NBAS: variants seen among roughly 807,000 people sequenced by gnomAD.
NBAS encodes NBAS subunit of NRZ tethering complex.
Under a neutral mutation model 302.5 loss-of-function variants are expected in NBAS, and 219 were observed. The ratio of observed to expected loss-of-function variants is 0.72; its 90% CI spans 0.65 to 0.81. The LOEUF (loss-of-function observed/expected upper bound fraction) is 0.81. Among genes scored for constraint, NBAS ranks in the 30% least tolerant of loss-of-function variants. The pLI is 0.00. For synonymous variants in NBAS, 1,118 were observed against 1,021.6 expected, an observed-to-expected ratio of 1.09 and a Z score of -1.80; for missense variants, 2,932 against 2,841.6, an observed-to-expected ratio of 1.03 and a Z score of -0.72.
chr2:14,847,111 T>C, the NBAS span, among the ~76,000 whole-genome samples: 261 of 152,102 alleles, frequency 1.7e-3, no homozygotes, highest in African/African-American at 6.0e-3. Flanking sequence ...CGGCCGGGCA[T>C]GGTGGCTCAC....
intron 22 of NBAS, among the ~76,000 whole-genome samples, chr2:15,426,395 A>T (rs1677479832): frequency 6.6e-6 from 1 of 152,172 alleles, no homozygotes; most frequent in African/African-American, 2.4e-5. Context: ...AATAGGCTTG[A>T]ATTATTTCTT....
chr2:15,486,964 A>G (rs1405783187), intron 12 of NBAS, among the ~76,000 whole-genome samples: 1 of 152,148 alleles, frequency 6.6e-6, no homozygotes, highest in African/African-American at 2.4e-5. Context: ...AAAAGCGCAT[A>G]CTAATCAATT....
chr2:15,530,800 C>T (rs1161639564), intron 9 of NBAS, among the ~76,000 whole-genome samples: 1 of 151,748 alleles, frequency 6.6e-6, no homozygotes, highest in Non-Finnish European at 1.5e-5. Flanking sequence ...AGTGAGATTA[C>T]TGACTATCTA....
chr2:15,319,986 C>G (rs758673884), intron 38 of NBAS, among the ~76,000 whole-genome samples: 9 of 151,994 alleles, frequency 5.9e-5, no homozygotes, highest in Non-Finnish European at 1.2e-4. Context: ...AACATTGATG[C>G]GAAAGTCCTC....
intron 13 of NBAS, among the ~76,000 whole-genome samples, chr2:15,477,641 A>T (rs557693526): frequency 6.6e-6 from 1 of 152,234 alleles, no homozygotes. Context: ...GATTTAACTT[A>T]GAAAGTTTCA....
intron 48 of NBAS, among the ~76,000 whole-genome samples, chr2:15,199,826 G>A (rs999871151): frequency 6.6e-6 from 1 of 151,648 alleles, no homozygotes; most frequent in South Asian, 2.1e-4. Context: ...TGCATAGTAG[G>A]CACACAGGAA....
At chr2:15,149,861 T>G in the NBAS span, among the ~76,000 whole-genome samples, 1 of 152,100 alleles carries the variant, frequency 6.6e-6, no homozygotes, top group Non-Finnish European at 1.5e-5. Context: ...TGAATTAACT[T>G]TGGTATTTTG....
chr2:15,561,118 C>T (rs577286157), intron 1 of NBAS, 70 bp downstream of exon 1: 8 of 1,324,644 alleles, frequency 6.0e-6, no homozygotes, highest in African/African-American at 1.5e-5. Context: ...CTACGTGGCT[C>T]CTGCTACGTG....
At chr2:15,371,326 T>C (rs1674473772) in intron 31 of NBAS, among the ~76,000 whole-genome samples, 1 of 152,210 alleles carries the variant, frequency 6.6e-6, no homozygotes, top group Non-Finnish European at 1.5e-5. Flanking sequence ...GGTATTTCTT[T>C]ATAGCAGTGT....
At chr2:15,512,429 T>C (rs1288311349) in intron 9 of NBAS, among the ~76,000 whole-genome samples, 1 of 152,130 alleles carries the variant, frequency 6.6e-6, no homozygotes, top group African/African-American at 2.4e-5. Context: ...GGCAACACAA[T>C]GGCCCCCAAA....
chr2:15,147,244 A>G, the NBAS span, among the ~76,000 whole-genome samples: 1 of 152,138 alleles, frequency 6.6e-6, no homozygotes, highest in Non-Finnish European at 1.5e-5. Context: ...CAGCTGTCCC[A>G]CAGGTCTGAC....
At chr2:15,264,307 C>G (rs73194993) in intron 44 of NBAS, among the ~76,000 whole-genome samples, 1 of 152,216 alleles carries the variant, frequency 6.6e-6, no homozygotes, top group East Asian at 1.9e-4. Context: ...ATTTACACCC[C>G]CTATGAATTT....
At position 15,267,943 on chromosome 2, in the gene NBAS, G is replaced by C. The variant is rs529762792; in HGVS notation, c.5724+7541C>G. The stretch of plus-strand genomic sequence containing the variant: ...CAGTACTTTTATAAAGTATTATTAA[G>C]CCTATAAAGTCTCTAAAATCTTATT... On this transcript the variant is annotated intron_variant, in intron 44 of 51. Transcript: ENST00000281513. Among the ~76,000 whole-genome samples, 7 of 152,138 alleles carry C rather than the reference G, an allele frequency of 4.6e-5. No homozygotes were observed. In the South Asian group the frequency reaches 1.4e-3, roughly 32 times the overall value.
intron 11 of NBAS, among the ~76,000 whole-genome samples, chr2:15,491,521 G>A (rs963148973): frequency 6.6e-6 from 1 of 152,188 alleles, no homozygotes; most frequent in Non-Finnish European, 1.5e-5. Flanking sequence ...CACATCACGA[G>A]GTCAGGAGAT....
At chr2:15,465,423 T>G (rs910155833) in intron 19 of NBAS, among the ~76,000 whole-genome samples, 1 of 152,258 alleles carries the variant, frequency 6.6e-6, no homozygotes, top group East Asian at 1.9e-4. Flanking sequence ...CAGCATTTAA[T>G]GCCTATACAA....
intron 48 of NBAS, among the ~76,000 whole-genome samples, chr2:15,210,835 C>G (rs1442163179): frequency 2.0e-5 from 3 of 152,130 alleles, no homozygotes; most frequent in Non-Finnish European, 4.4e-5. Flanking sequence ...ACAGATGGAA[C>G]TGGAGGTCAT....
chr2:15,368,194 T>TTTC (rs1674307963), intron 31 of NBAS, among the ~76,000 whole-genome samples: 1 of 133,404 alleles, frequency 7.5e-6, no homozygotes, highest in Admixed American at 7.2e-5. Context: ...GTTTTGACTT[T>TTTC]TTTTTTTTTT....
chr2:15,402,877 C>T (rs563142056), intron 25 of NBAS, among the ~76,000 whole-genome samples: 30 of 152,152 alleles, frequency 2.0e-4, no homozygotes, highest in African/African-American at 7.2e-4. Context: ...AAAGCATTTC[C>T]CATGGCAAAC....
intron 21 of NBAS, among the ~76,000 whole-genome samples, chr2:15,433,158 A>G (rs914275535): frequency 3.3e-5 from 5 of 152,140 alleles, no homozygotes; most frequent in African/African-American, 9.7e-5. Flanking sequence ...CTTGAATTCT[A>G]ATCCATAATA....
Sources: gnomAD v4.1 joint callset for allele counts (sites outside exome capture counted in the v4.1 genomes callset) on GRCh38, gnomAD v4.1.1 for gene constraint, MANE v1.5 for transcripts, NCBI Gene and HGNC (gene_info 2026-07-23, HGNC 2026-07-21) for gene names.